PDGFRA: variants seen among roughly 807,000 people sequenced by gnomAD.
PDGFRA encodes platelet derived growth factor receptor alpha.
PDGFRA carries 25 observed loss-of-function variants against 121.5 expected under a neutral mutation model. That is an observed-to-expected ratio of 0.21 (90% CI 0.15 to 0.29). PDGFRA has a LOEUF of 0.29. Ranked by LOEUF, PDGFRA falls within the 10% of genes least tolerant of loss-of-function variation. PDGFRA has a pLI of 1.00. For synonymous variants in PDGFRA, 463 were observed against 494.8 expected, an observed-to-expected ratio of 0.94 and a Z score of 0.85; for missense variants, 1,008 against 1,345.1, an observed-to-expected ratio of 0.75 and a Z score of 3.92.
chr4:54,237,039 G>C (rs1721056616), intron 1 of PDGFRA, among the ~76,000 whole-genome samples: 1 of 151,894 alleles, frequency 6.6e-6, no homozygotes, highest in Non-Finnish European at 1.5e-5. Flanking sequence ...CGAGATCCTG[G>C]CTCACTGCAA....
rs909369198 is a variant in PDGFRA at position 54,258,835 on chromosome 4, C to G, written c.49+18C>G. On this transcript the variant is annotated intron_variant, in intron 2 of 22. Transcript: ENST00000257290. ...TCTCACAGGTACGGAGCCCAGTCCT[C>G]TCTGAGTTCCTTGTTTGGGTGTCTT... 1 of 1,607,828 alleles carries G rather than the reference C, an allele frequency of 6.2e-7. No individual in the cohort carries two copies. Among genetic ancestry groups the G allele is most frequent in the Non-Finnish European group, 8.5e-7 (1 of 1,174,374 alleles).
At chr4:54,265,971 G>A (rs537974499) in intron 5 of PDGFRA, among the ~76,000 whole-genome samples, 10 of 152,120 alleles carry the variant, frequency 6.6e-5, no homozygotes, top group African/African-American at 1.7e-4. Context: ...TGCATTTGCC[G>A]CTGCTTTTCA....
Position 54,295,615 on chromosome 4 carries a change from A to G in PDGFRA, c.*343A>G. ...ACAATTTATACTGCGACAGAACTTC[A>G]GCATTGTAATTATGTAAATAACTCT... is the stretch of plus-strand genomic sequence containing the variant. On this transcript the variant is annotated 3_prime_UTR_variant, in exon 23 of 23. Transcript: ENST00000257290. 2 of 407,436 alleles carry G rather than the reference A, an allele frequency of 4.9e-6. No individual in the cohort carries two copies. Among genetic ancestry groups the G allele is most frequent in the Non-Finnish European group, 4.5e-6 (1 of 220,052 alleles). The allele number at this position is 407,436 out of a possible 1,614,324, so 25.2% of individuals were successfully genotyped here. A position where few individuals can be genotyped will look rare whatever the true frequency, so the allele number is the denominator to read the frequency against.
chr4:54,232,875 C>T (rs1329781318), intron 1 of PDGFRA, among the ~76,000 whole-genome samples: 1 of 152,180 alleles, frequency 6.6e-6, no homozygotes, highest in African/African-American at 2.4e-5. Context: ...CGTAAGCCAC[C>T]GCGCCCGGCC....
intron 1 of PDGFRA, among the ~76,000 whole-genome samples, chr4:54,253,385 G>A (rs1057201870): frequency 3.9e-4 from 59 of 152,320 alleles, no homozygotes; most frequent in African/African-American, 1.4e-3. Flanking sequence ...TGGACAGAGT[G>A]TCAGATATGG....
intron 1 of PDGFRA, among the ~76,000 whole-genome samples, chr4:54,258,454 A>G (rs1421801595): frequency 6.6e-6 from 1 of 152,120 alleles, no homozygotes; most frequent in East Asian, 1.9e-4. Context: ...GAAAAAATAT[A>G]TATATATGTA....
At chr4:54,264,103 A>G (rs2110255022) in intron 4 of PDGFRA, 176 bp downstream of exon 4, 2 of 625,700 alleles carry the variant, frequency 3.2e-6, no homozygotes, top group Non-Finnish European at 5.5e-6. Flanking sequence ...GCTTAAAATT[A>G]CTAAAGGCCA....
At chr4:54,242,541 T>A (rs1376900699) in intron 1 of PDGFRA, among the ~76,000 whole-genome samples, 1 of 151,962 alleles carries the variant, frequency 6.6e-6, no homozygotes, top group Non-Finnish European at 1.5e-5. Flanking sequence ...ATAGTCATAT[T>A]TATATATATA....
chr4:54,234,995 A>C (rs1466610001), intron 1 of PDGFRA, among the ~76,000 whole-genome samples: 1 of 152,168 alleles, frequency 6.6e-6, no homozygotes, highest in African/African-American at 2.4e-5. Flanking sequence ...GCTCCGGGAG[A>C]TCAAAACAAC....
intron 1 of PDGFRA, among the ~76,000 whole-genome samples, chr4:54,247,106 C>A (rs1311000809): frequency 6.6e-6 from 1 of 151,766 alleles, no homozygotes; most frequent in Non-Finnish European, 1.5e-5. Flanking sequence ...GAGTCCAGGA[C>A]CAGATGGATT....
intron 19 of PDGFRA, among the ~76,000 whole-genome samples, chr4:54,288,363 T>G (rs1287888124): frequency 1.3e-5 from 2 of 152,140 alleles, no homozygotes; most frequent in Non-Finnish European, 2.9e-5. Context: ...CATCCCCCAG[T>G]GGCTTAATGG....
At position 54,242,655 on chromosome 4, in the gene PDGFRA, G is replaced by T. The variant is rs1050938945; in HGVS notation, c.-13+13240G>T. On this transcript the variant is annotated intron_variant, in intron 1 of 22. Coordinates refer to ENST00000257290, the MANE Select transcript of PDGFRA (RefSeq NM_006206.6). ...TTATTTTTTTGAGAGAAAGTGTTTTGTGTGTTTGTTGTTTGTTTTTCTTCT... is the reference window on the plus strand; with the variant it reads ...TTATTTTTTTGAGAGAAAGTGTTTTTTGTGTTTGTTGTTTGTTTTTCTTCT... Among the ~76,000 whole-genome samples, 5 of 151,734 alleles carry T rather than the reference G, an allele frequency of 3.3e-5. No homozygotes were observed. The South Asian group carries it at 6.3e-4, about 19-fold the overall frequency.
At chr4:54,279,753 C>G (rs536373600) in intron 15 of PDGFRA, among the ~76,000 whole-genome samples, 50 of 152,216 alleles carry the variant, frequency 3.3e-4, no homozygotes, top group African/African-American at 1.1e-3. Context: ...ATTCTTATGC[C>G]TTTGCATCCT....
At chr4:54,231,392 G>A (rs1012680312) in intron 1 of PDGFRA, among the ~76,000 whole-genome samples, 1 of 152,206 alleles carries the variant, frequency 6.6e-6, no homozygotes, top group African/African-American at 2.4e-5. Flanking sequence ...TTTGGAGCAG[G>A]GAGCATCCAG....
chr4:54,269,838 A>T (rs1012279402), intron 7 of PDGFRA, among the ~76,000 whole-genome samples: 2 of 149,442 alleles, frequency 1.3e-5, no homozygotes, highest in African/African-American at 5.0e-5. Flanking sequence ...TTTAGTAGAG[A>T]TGGGGGTTTC....
intron 14 of PDGFRA, 117 bp downstream of exon 14, chr4:54,278,123 C>T: frequency 1.3e-6 from 1 of 764,506 alleles, no homozygotes; most frequent in Non-Finnish European, 2.3e-6. Context: ...AATAGAAGTC[C>T]CTTGAATGGA....
chr4:54,242,142 G>T (rs981353861), intron 1 of PDGFRA, among the ~76,000 whole-genome samples: 2 of 152,088 alleles, frequency 1.3e-5, no homozygotes, highest in Non-Finnish European at 2.9e-5. Flanking sequence ...TCATGGTGGT[G>T]GCCTGGGTTC....
intron 2 of PDGFRA, among the ~76,000 whole-genome samples, chr4:54,260,375 C>A (rs1240612036): frequency 6.8e-6 from 1 of 146,842 alleles, no homozygotes; most frequent in Non-Finnish European, 1.5e-5. Context: ...TGTGTCCTTG[C>A]CTCCATTCTT....
At chr4:54,234,102 G>A (rs1016654372) in intron 1 of PDGFRA, among the ~76,000 whole-genome samples, 1 of 152,216 alleles carries the variant, frequency 6.6e-6, no homozygotes, top group African/African-American at 2.4e-5. Context: ...GCCCAGCAGC[G>A]TCGTCTTCCC....
Sources: gnomAD v4.1 joint callset for allele counts (sites outside exome capture counted in the v4.1 genomes callset) on GRCh38, gnomAD v4.1.1 for gene constraint, MANE v1.5 for transcripts, NCBI Gene and HGNC (gene_info 2026-07-23, HGNC 2026-07-21) for gene names.